ANKS3: variants seen among roughly 807,000 people sequenced by gnomAD.
ANKS3 encodes ankyrin repeat and SAM domain-containing protein 3.
A neutral mutation model predicts 80.7 loss-of-function variants in ANKS3; 62 were observed. The ratio of observed to expected loss-of-function variants is 0.77; its 90% CI spans 0.63 to 0.95. The LOEUF is 0.95. Among genes scored for constraint, ANKS3 ranks in the 40% least tolerant of loss-of-function variants. ANKS3 has a pLI of 0.00. For missense variants in ANKS3, 1,150 were observed against 883.6 expected, an observed-to-expected ratio of 1.30 and a Z score of -3.82; for synonymous variants, 489 against 355.3, an observed-to-expected ratio of 1.38 and a Z score of -4.23.
Position 4,701,140 on chromosome 16 carries a change from G to A in ANKS3, c.1120-6C>T. ...TTACAGGCATGATCCGAGTCCTGCA[G>A]TGAGAGGCGTGCATCTGAAAGAGTG... On this transcript the variant is annotated splice_polypyrimidine_tract_variant and splice_region_variant and intron_variant, in intron 10 of 17. Coordinates refer to ENST00000304283, the MANE Select transcript of ANKS3 (RefSeq NM_133450.4). The A allele has an allele frequency of 6.2e-7, 1 of 1,613,776 alleles. No individual in the cohort carries two copies. The highest frequency in any genetic ancestry group is 8.5e-7 in the Non-Finnish European group (1 of 1,180,026).
chr16:4,727,376 A>G, intron 3 of ANKS3, 199 bp from the exon 4 acceptor site: 1 of 617,826 alleles, frequency 1.6e-6, no homozygotes. Flanking sequence ...TGAGGCCCTG[A>G]GCCTTCGTCT....
At chr16:4,699,009 C>T in intron 12 of ANKS3, 43 bp downstream of exon 12, 1 of 1,614,086 alleles carries the variant, frequency 6.2e-7, no homozygotes, top group Non-Finnish European at 8.5e-7. Context: ...GGGAGTTTGC[C>T]CCAACCCCGG....
chr16:4,709,883 T>C (rs540591698), intron 7 of ANKS3, among the ~76,000 whole-genome samples: 1 of 151,986 alleles, frequency 6.6e-6, no homozygotes, highest in African/African-American at 2.4e-5. Flanking sequence ...TGGTGGTAGG[T>C]GCCTGTAGTG....
Position 4,698,033 on chromosome 16 carries a change from A to G in ANKS3, c.1754T>C (p.Val585Ala). The change falls in exon 15 of 18, where the codon GTG becomes GCG. Residue 585 changes from valine (V) to alanine (A), a missense_variant. Val to Ala is a moderately conservative substitution (Grantham distance 64). Transcript: ENST00000304283. ...RACQAELSSR[V>A]RQDQPPGAAT... The stretch of plus-strand genomic sequence containing the variant: ...TGCACCAGGGGGCTGGTCCTGCCTC[A>G]CTCGAGATGACAGCTCAGCTTGACA... 6.2e-7 allele frequency: 1 copy of G among 1,609,544 alleles called. No homozygotes were observed. The highest frequency in any genetic ancestry group is 8.5e-7 in the Non-Finnish European group (1 of 1,178,720).
At position 4,705,172 on chromosome 16, in the gene ANKS3, C is replaced by A; in HGVS notation, c.791G>T (p.Ser264Ile). 6.2e-7 allele frequency: 1 copy of A among 1,613,902 alleles called. No individual in the cohort carries two copies. The highest frequency in any genetic ancestry group is 8.5e-7 in the Non-Finnish European group (1 of 1,180,052). Reference sequence around the variant, plus strand: ...CAGGGCTCGCGGTCCCTCGTGGATGCTGACACCCTTCTTCCGGCAAGGCCT... The same window carrying A: ...CAGGGCTCGCGGTCCCTCGTGGATGATGACACCCTTCTTCCGGCAAGGCCT... ...RQRPCRKKGV[S>I]IHEGPRALAR... is the part of the protein sequence containing the mutation. Residue 264 changes from serine to isoleucine, a missense_variant, in exon 8 of 18, where the codon AGC becomes ATC. Transcript: ENST00000304283.
intron 15 of ANKS3, 85 bp downstream of exon 15, chr16:4,697,892 A>G (rs1192214446): frequency 3.2e-6 from 4 of 1,255,486 alleles, no homozygotes; most frequent in Non-Finnish European, 4.3e-6. Flanking sequence ...CCGGAGAACC[A>G]GGCCAAGCCC....
chr16:4,720,891 T>C (rs149257902), intron 6 of ANKS3, among the ~76,000 whole-genome samples: 2,636 of 141,210 alleles, frequency 0.019, 91 homozygotes, highest in African/African-American at 0.065. Flanking sequence ...GAGCCGAGAT[T>C]GCGCCACTGC....
intron 6 of ANKS3, among the ~76,000 whole-genome samples, chr16:4,718,331 G>T (rs1272777625): frequency 1.3e-5 from 2 of 152,130 alleles, no homozygotes; most frequent in Admixed American, 6.6e-5. Flanking sequence ...ATGAAGGTGG[G>T]ATCAGAAAGT....
chr16:4,701,860 G>A, intron 9 of ANKS3: 1 of 509,084 alleles, frequency 2.0e-6, no homozygotes. Flanking sequence ...AAAGCCTCAG[G>A]GGCTCCCAAG....
At chr16:4,728,280 C>T (rs1239330117) in intron 3 of ANKS3, among the ~76,000 whole-genome samples, 1 of 152,156 alleles carries the variant, frequency 6.6e-6, no homozygotes, top group Non-Finnish European at 1.5e-5. Flanking sequence ...CTCCTGACCT[C>T]GTGATCCACC....
chr16:4,709,737 G>C (rs548125071), intron 7 of ANKS3, among the ~76,000 whole-genome samples: 2 of 152,314 alleles, frequency 1.3e-5, no homozygotes, highest in South Asian at 4.1e-4. Flanking sequence ...GCCAGCTGTT[G>C]TGGTGACTCA....
chr16:4,731,640 A>G, intron 1 of ANKS3, 61 bp from the exon 2 acceptor site: 2 of 855,168 alleles, frequency 2.3e-6, no homozygotes, highest in Non-Finnish European at 2.8e-6. Flanking sequence ...AAATTTCAAA[A>G]AAGTAAAAAT....
intron 7 of ANKS3, among the ~76,000 whole-genome samples, chr16:4,713,279 AC>A (rs2080599596): frequency 1.3e-5 from 2 of 152,316 alleles, no homozygotes; most frequent in South Asian, 2.1e-4. Context: ...CAAAAAAAAA[AC>A]AAAAGTTTGC....
rs1210910305 is a variant in ANKS3 at position 4,702,132 on chromosome 16, C to T, written c.979G>A (p.Val327Met). The T allele has an allele frequency of 2.5e-6, 4 of 1,599,254 alleles. No individual in the cohort carries two copies. The highest frequency in any genetic ancestry group is 2.7e-5 in the African/African-American group (2 of 74,276). The change falls in exon 9 of 18, where the codon GTG becomes ATG. Residue 327 changes from valine to methionine, a missense_variant. Transcript: ENST00000304283. The part of the protein sequence containing the change: ...DVTSPINERD[V>M]ESSSSSSSRE... ...CTGCTGCTGCTGCTGCTGCTCTCCA[C>T]ATCCCGCTCATTGATGGGGGAGGTG...
intron 15 of ANKS3, 114 bp from the exon 16 acceptor site, chr16:4,697,530 C>A (rs761221857): frequency 1.8e-5 from 15 of 853,530 alleles, no homozygotes; most frequent in Admixed American, 3.1e-5. Context: ...CCTCCCTACC[C>A]GCCTGACAGT....
intron 6 of ANKS3, among the ~76,000 whole-genome samples, chr16:4,716,495 G>T (rs1596405542): frequency 3.3e-5 from 5 of 152,110 alleles, no homozygotes; most frequent in Non-Finnish European, 1.5e-5. Context: ...GGCAGAGGTG[G>T]TCTCTGGGCA....
intron 7 of ANKS3, among the ~76,000 whole-genome samples, chr16:4,705,813 T>A (rs905214821): frequency 7.9e-5 from 12 of 152,176 alleles, no homozygotes; most frequent in Admixed American, 7.2e-4. Context: ...GTCTGTATTG[T>A]TCATAATCAG....
intron 7 of ANKS3, among the ~76,000 whole-genome samples, chr16:4,710,121 G>A (rs919127614): frequency 6.6e-6 from 1 of 152,146 alleles, no homozygotes; most frequent in Admixed American, 6.5e-5. Flanking sequence ...ATTATCAGAG[G>A]TTGGGGGTGG....
Position 4,701,095 on chromosome 16 carries a change from C to A in ANKS3, c.1159G>T (p.Ala387Ser). 1 of 1,614,050 alleles carries A rather than the reference C, an allele frequency of 6.2e-7. No individual in the cohort carries two copies. Among genetic ancestry groups the A allele is most frequent in the Non-Finnish European group, 8.5e-7 (1 of 1,180,042 alleles). The change falls in exon 11 of 18, where the codon GCT becomes TCT. Residue 387 changes from alanine to serine, a missense_variant. Physicochemically the swap from Ala to Ser is moderately conservative, Grantham distance 99. Coordinates refer to ENST00000304283, the MANE Select transcript of ANKS3 (RefSeq NM_133450.4). ...HACKSSARKQ[A>S]KSYMKTKNPD... ...TTCTTGGTCTTCATGTAACTTTTAG[C>A]TTGTTTGCGAGCTGAGCTTTTACAG...
Sources: gnomAD v4.1 joint callset for allele counts (sites outside exome capture counted in the v4.1 genomes callset) on GRCh38, gnomAD v4.1.1 for gene constraint, MANE v1.5 for transcripts, NCBI Gene and HGNC (gene_info 2026-07-23, HGNC 2026-07-21) for gene names.